Variants in L2HGDH observed in about 807,000 individuals in gnomAD.
The protein encoded by L2HGDH is L-2-hydroxyglutarate dehydrogenase, also known as L-2-hydroxyglutarate dehydrogenase, mitochondrial.
L2HGDH carries 34 observed loss-of-function variants against 51.5 expected under a neutral mutation model. The ratio of observed to expected loss-of-function variants is 0.66; its 90% CI spans 0.50 to 0.88. L2HGDH has a LOEUF of 0.88. Ranked by LOEUF, L2HGDH falls within the 40% of genes least tolerant of loss-of-function variation. The probability of loss-of-function intolerance (pLI) is 0.00; values close to 1 mark genes in which losing one functional copy is unlikely to be tolerated. For synonymous variants in L2HGDH, 198 were observed against 197.9 expected, an observed-to-expected ratio of 1.00 and a Z score of -0.01; for missense variants, 558 against 571.9, an observed-to-expected ratio of 0.98 and a Z score of 0.25.
At position 50,243,039 on chromosome 14, in the gene L2HGDH, A is replaced by T; in HGVS notation, c.*4019T>A. 1.0e-6 allele frequency: 1 copy of T among 985,452 alleles called. No individual in the cohort carries two copies. The highest frequency in any genetic ancestry group is 1.2e-6 in the Non-Finnish European group (1 of 829,938). 61.0% of individuals were successfully genotyped at this position (985,452 alleles called of 1,614,324 possible). A position where few individuals can be genotyped will look rare whatever the true frequency, so the allele number is the denominator to read the frequency against. ...CATTCTCACCACCATCCTTTGAAGAAAGTTCTAAGAGTTAAGGTTATCCCA... is the reference window on the plus strand; with the variant it reads ...CATTCTCACCACCATCCTTTGAAGATAGTTCTAAGAGTTAAGGTTATCCCA... On this transcript the variant is annotated 3_prime_UTR_variant, in exon 10 of 10. Coordinates refer to ENST00000267436, the MANE Select transcript of L2HGDH (RefSeq NM_024884.3).
At position 50,249,737 on chromosome 14, in the gene L2HGDH, G is replaced by A. The variant is rs1888226826; in HGVS notation, c.1197-2484C>T. On this transcript the variant is annotated intron_variant, in intron 9 of 9. Coordinates refer to ENST00000267436, the MANE Select transcript of L2HGDH (RefSeq NM_024884.3). ...GACCCAGCACATTCCCAGCTGTGGT[G>A]GCTACAGTGAAAGACTCCTTCTGTT... Among the ~76,000 whole-genome samples the A allele has an allele frequency of 2.0e-5, 3 of 151,932 alleles. No homozygotes were observed. In the South Asian group the frequency reaches 6.2e-4, roughly 32 times the overall value.
Position 50,265,402 on chromosome 14 carries a change from A to G in L2HGDH, c.1152T>C (p.Tyr384=). 1 of 1,612,520 alleles carries G rather than the reference A, an allele frequency of 6.2e-7. No homozygotes were observed. The highest frequency in any genetic ancestry group is 2.2e-5 in the East Asian group (1 of 44,840). The part of the protein sequence containing the change: ...KACFLGATVK[Y]LQKFIPEITI... The stretch of plus-strand genomic sequence containing the variant: ...TAATTTCAGGGATGAATTTTTGAAG[A>G]TACTTCACTGTTGCACCAAGAAAAC... The change falls in exon 9 of 10, where the codon TAT becomes TAC. Residue 384 remains tyrosine, a synonymous_variant. Transcript: ENST00000267436.
chr14:50,285,125 T>C (rs796222404), intron 4 of L2HGDH, among the ~76,000 whole-genome samples: 14 of 152,288 alleles, frequency 9.2e-5, no homozygotes, highest in African/African-American at 3.1e-4. Context: ...CGGGCACCTG[T>C]AGACCCAGCT....
chr14:50,311,914 C>G (rs574714661), intron 1 of L2HGDH, 97 bp downstream of exon 1: 1 of 1,497,218 alleles, frequency 6.7e-7, no homozygotes, highest in Non-Finnish European at 9.0e-7. Flanking sequence ...GCTCTCACCC[C>G]GGGACAGGGA....
chr14:50,291,316 C>G (rs1477458372), intron 4 of L2HGDH, among the ~76,000 whole-genome samples: 1 of 151,332 alleles, frequency 6.6e-6, no homozygotes, highest in African/African-American at 2.4e-5. Context: ...AGACTTTGAC[C>G]ATTTAGAATT....
At chr14:50,260,078 C>T (rs1888930827) in intron 9 of L2HGDH, among the ~76,000 whole-genome samples, 1 of 151,824 alleles carries the variant, frequency 6.6e-6, no homozygotes, top group South Asian at 2.1e-4. Flanking sequence ...GCTTACAGTT[C>T]CTAAACCAAG....
At chr14:50,297,324 T>C (rs1197315423) in intron 3 of L2HGDH, among the ~76,000 whole-genome samples, 1 of 152,094 alleles carries the variant, frequency 6.6e-6, no homozygotes, top group African/African-American at 2.4e-5. Context: ...ACTAACTTAT[T>C]TGCAGATGAC....
chr14:50,286,161 A>C (rs1890552389), intron 4 of L2HGDH, among the ~76,000 whole-genome samples: 4 of 152,106 alleles, frequency 2.6e-5, no homozygotes, highest in Admixed American at 2.6e-4. Flanking sequence ...GGGAAAATTG[A>C]GAGTAGATCT....
chr14:50,297,633 A>G (rs527814211), intron 3 of L2HGDH, among the ~76,000 whole-genome samples: 1 of 152,342 alleles, frequency 6.6e-6, no homozygotes, highest in African/African-American at 2.4e-5. Context: ...TCCCCAGCAC[A>G]TGGATCATTC....
intron 9 of L2HGDH, among the ~76,000 whole-genome samples, chr14:50,260,510 A>G (rs8013220): frequency 0.045 from 6,878 of 152,316 alleles, 505 homozygotes; most frequent in African/African-American, 0.16. Context: ...TATTAAAATT[A>G]GCAAACCATC....
intron 9 of L2HGDH, among the ~76,000 whole-genome samples, chr14:50,254,227 G>C (rs1357760579): frequency 6.6e-6 from 1 of 152,096 alleles, no homozygotes; most frequent in African/African-American, 2.4e-5. Context: ...ATAAATGCTT[G>C]AGGGTACGAA....
At chr14:50,249,940 T>C (rs930577514) in intron 9 of L2HGDH, among the ~76,000 whole-genome samples, 4 of 120,232 alleles carry the variant, frequency 3.3e-5, no homozygotes, top group Non-Finnish European at 6.4e-5. Flanking sequence ...CTCGCTCTGT[T>C]GCCCAGGCTG....
chr14:50,281,803 C>G (rs1358367982), intron 5 of L2HGDH, among the ~76,000 whole-genome samples: 1 of 152,106 alleles, frequency 6.6e-6, no homozygotes, highest in African/African-American at 2.4e-5. Context: ...ACCCCCAACT[C>G]TAAGAGAACA....
chr14:50,258,877 T>A (rs532569289), intron 9 of L2HGDH, among the ~76,000 whole-genome samples: 24 of 151,852 alleles, frequency 1.6e-4, no homozygotes, highest in Non-Finnish European at 3.4e-4. Flanking sequence ...AGGGTCTCAC[T>A]GTTGTCCAGA....
chr14:50,272,509 G>A (rs1889756409), intron 6 of L2HGDH, among the ~76,000 whole-genome samples: 1 of 152,156 alleles, frequency 6.6e-6, no homozygotes, highest in African/African-American at 2.4e-5. Flanking sequence ...GCAAATCACA[G>A]CACAGAACTT....
chr14:50,254,272 A>G (rs760576559), intron 9 of L2HGDH, among the ~76,000 whole-genome samples: 9 of 152,148 alleles, frequency 5.9e-5, no homozygotes, highest in Non-Finnish European at 1.3e-4. Context: ...ATTATGCATT[A>G]CATGCCTGCA....
Position 50,244,870 on chromosome 14 carries a change from G to A in L2HGDH, c.*2188C>T. The A allele has an allele frequency of 1.0e-5, 10 of 985,470 alleles. No homozygotes were observed. The highest frequency in any genetic ancestry group is 1.2e-5 in the Non-Finnish European group (10 of 829,930). The allele number at this position is 985,470 out of a possible 1,614,324, so 61.0% of individuals were successfully genotyped here. On this transcript the variant is annotated 3_prime_UTR_variant, in exon 10 of 10. Transcript: ENST00000267436. ...AGGAAAGAAGACATACACAGTAGAA[G>A]ATGAATCCTGAGAGAGCAAATCAGA...
intron 9 of L2HGDH, among the ~76,000 whole-genome samples, chr14:50,256,705 T>G (rs1888684838): frequency 6.6e-6 from 1 of 152,084 alleles, no homozygotes; most frequent in Non-Finnish European, 1.5e-5. Flanking sequence ...TTTCTTCACT[T>G]ATTGAGTTTT....
intron 9 of L2HGDH, among the ~76,000 whole-genome samples, chr14:50,251,710 G>A (rs1394909117): frequency 3.3e-5 from 5 of 151,996 alleles, no homozygotes; most frequent in South Asian, 2.1e-4. Context: ...CCAGGAGGGA[G>A]TGGCATGACA....
Sources: allele counts gnomAD v4.1 joint callset (sites outside exome capture counted in the v4.1 genomes callset), GRCh38; gene constraint gnomAD v4.1.1; transcripts MANE v1.5; gene names NCBI Gene and HGNC (gene_info 2026-07-23, HGNC 2026-07-21).